SLC39A12: variants seen among roughly 807,000 people sequenced by gnomAD.
SLC39A12 encodes solute carrier family 39 member 12.
A neutral mutation model predicts 71.1 loss-of-function variants in SLC39A12; 63 were observed. The ratio of observed to expected loss-of-function variants is 0.89; its 90% CI spans 0.72 to 1.09. The LOEUF is 1.09. Among genes scored for constraint, SLC39A12 ranks in the 50% least tolerant of loss-of-function variants. SLC39A12 has a pLI of 0.00. For missense variants in SLC39A12, 892 were observed against 812.6 expected, an observed-to-expected ratio of 1.10 and a Z score of -1.19; for synonymous variants, 351 against 301.3, an observed-to-expected ratio of 1.16 and a Z score of -1.71.
intron 5 of SLC39A12, 110 bp from the exon 6 acceptor site, chr10:17,981,202 G>A (rs1428151709): frequency 1.2e-5 from 11 of 894,828 alleles, no homozygotes; most frequent in South Asian, 2.3e-5. Flanking sequence ...GGCTTCATGT[G>A]TGTGTTCTCG....
At chr10:17,996,440 G>A (rs1171678298) in intron 10 of SLC39A12, among the ~76,000 whole-genome samples, 2 of 152,040 alleles carry the variant, frequency 1.3e-5, no homozygotes, top group African/African-American at 4.8e-5. Flanking sequence ...ACAAACTTAA[G>A]GTTTTAATGT....
chr10:17,965,922 A>G (rs1834815258), intron 4 of SLC39A12, among the ~76,000 whole-genome samples: 1 of 152,212 alleles, frequency 6.6e-6, no homozygotes, highest in Admixed American at 6.5e-5. Flanking sequence ...AAGTGATTGG[A>G]ATTGTGGATG....
At chr10:17,989,552 A>G (rs927283507) in intron 7 of SLC39A12, among the ~76,000 whole-genome samples, 3 of 152,168 alleles carry the variant, frequency 2.0e-5, no homozygotes, top group Admixed American at 6.5e-5. Flanking sequence ...TGGGTGCAAC[A>G]TGTTACAGAG....
intron 10 of SLC39A12, 32 bp downstream of exon 10, chr10:17,995,754 A>G: frequency 1.3e-6 from 2 of 1,580,158 alleles, no homozygotes; most frequent in Non-Finnish European, 1.7e-6. Flanking sequence ...ACATGTGGAA[A>G]GTGCCATAGA....
chr10:17,991,084 A>G (rs543028391), intron 7 of SLC39A12, 67 bp from the exon 8 acceptor site: 2 of 1,424,250 alleles, frequency 1.4e-6, no homozygotes, highest in Non-Finnish European at 1.9e-6. Flanking sequence ...CTACTATTTA[A>G]TAGTTAAGTC....
At chr10:18,012,987 C>T (rs907066526) in intron 12 of SLC39A12, among the ~76,000 whole-genome samples, 8 of 151,330 alleles carry the variant, frequency 5.3e-5, no homozygotes, top group Non-Finnish European at 1.2e-4. Flanking sequence ...CTAAACAAAA[C>T]TCAGAATTTC....
intron 4 of SLC39A12, among the ~76,000 whole-genome samples, chr10:17,968,580 C>G (rs907883964): frequency 2.0e-5 from 3 of 152,036 alleles, no homozygotes; most frequent in African/African-American, 7.2e-5. Flanking sequence ...CTGAGAATGG[C>G]TTTTTTAAAC....
At chr10:18,033,243 A>T (rs1756702685) in intron 12 of SLC39A12, among the ~76,000 whole-genome samples, 1 of 146,684 alleles carries the variant, frequency 6.8e-6, no homozygotes, top group African/African-American at 2.5e-5. Context: ...TCCTCCTTGT[A>T]CCTCTGGTAG....
At chr10:17,955,275 ATCAGTTCCATTCC>A (rs1234215096) in intron 2 of SLC39A12, among the ~76,000 whole-genome samples, 5 of 152,262 alleles carry the variant, frequency 3.3e-5, no homozygotes, top group African/African-American at 1.2e-4. Context: ...CCCCATTTGA[ATCAGTTCCATTCC>A]TAGGACTTGA....
At chr10:18,001,568 A>G (rs925749371) in intron 11 of SLC39A12, among the ~76,000 whole-genome samples, 14 of 152,198 alleles carry the variant, frequency 9.2e-5, no homozygotes, top group African/African-American at 3.4e-4. Flanking sequence ...CATCAACCTG[A>G]CTTATACAAA....
rs370006578 is a variant in SLC39A12, at chr10:18,003,024, A to T, written c.1760-147A>T. The T allele has an allele frequency of 7.8e-5, 50 of 639,460 alleles. No individual in the cohort carries two copies. In the African/African-American group the frequency reaches 8.8e-4, roughly 11 times the overall value. 39.6% of individuals were successfully genotyped at this position (639,460 alleles called of 1,614,324 possible). A position where few individuals can be genotyped will look rare whatever the true frequency, so the allele number is the denominator to read the frequency against. The stretch of plus-strand genomic sequence containing the variant: ...TGGGCTATGAATTCTAGAGAAATAT[A>T]GGAAAGCATTTTATTTACTGATCAC... On this transcript the variant is annotated intron_variant, in intron 11 of 12. Transcript: ENST00000377369.
intron 12 of SLC39A12, among the ~76,000 whole-genome samples, chr10:18,039,260 C>G (rs950111179): frequency 3.9e-5 from 6 of 152,044 alleles, no homozygotes; most frequent in African/African-American, 1.4e-4. Flanking sequence ...AGATCTTATT[C>G]CATATTTGGA....
At chr10:18,034,560 T>G (rs1260531169) in intron 12 of SLC39A12, among the ~76,000 whole-genome samples, 5 of 150,940 alleles carry the variant, frequency 3.3e-5, no homozygotes, top group Non-Finnish European at 7.4e-5. Context: ...TGAGATGGGT[T>G]TCCTGAATAC....
chr10:17,986,889 C>T (rs1835412313), intron 6 of SLC39A12, among the ~76,000 whole-genome samples: 1 of 152,116 alleles, frequency 6.6e-6, no homozygotes, highest in South Asian at 2.1e-4. Flanking sequence ...CCCGTAGTCC[C>T]AGCTGCTCGA....
In SLC39A12 at chr10:17,961,757, C is replaced by T; in HGVS notation, c.438C>T (p.Ser146=). Residue 146 remains serine (S), a synonymous_variant, in exon 3 of 13, where the codon AGC becomes AGT. Coordinates refer to ENST00000377369, the MANE Select transcript of SLC39A12 (RefSeq NM_001145195.2). ...SNKEYKFYLH[S]LLSLRQDEDS... Reference sequence around the variant, plus strand: ...AAGAGTATAAATTTTACCTACACAGCCTACTGAGCCTCAGGCAGGATGAAG... The same window carrying T: ...AAGAGTATAAATTTTACCTACACAGTCTACTGAGCCTCAGGCAGGATGAAG... 1 of 1,614,024 alleles carries T rather than the reference C, an allele frequency of 6.2e-7. No homozygotes were observed. Among genetic ancestry groups the T allele is most frequent in the Non-Finnish European group, 8.5e-7 (1 of 1,179,922 alleles).
intron 10 of SLC39A12, among the ~76,000 whole-genome samples, chr10:17,999,294 CAAAAAAAAAAAA>C (rs59734258): frequency 4.3e-5 from 3 of 70,376 alleles, no homozygotes; most frequent in African/African-American, 1.5e-4. Flanking sequence ...GACTCCATCT[CAAAAAAAAAAAA>C]AAAAAAAAAA....
At chr10:18,018,043 TC>T (rs1836432150) in intron 12 of SLC39A12, among the ~76,000 whole-genome samples, 1 of 152,186 alleles carries the variant, frequency 6.6e-6, no homozygotes, top group African/African-American at 2.4e-5. Context: ...ATTTATTTAG[TC>T]TTTTGATATC....
intron 12 of SLC39A12, among the ~76,000 whole-genome samples, chr10:18,035,613 G>A (rs1033350185): frequency 4.6e-4 from 70 of 152,240 alleles, no homozygotes; most frequent in African/African-American, 1.6e-3. Flanking sequence ...ATAGCTCAGA[G>A]TAATTTGATC....
chr10:17,975,628 C>A (rs888207133), intron 4 of SLC39A12, among the ~76,000 whole-genome samples: 1 of 152,096 alleles, frequency 6.6e-6, no homozygotes, highest in African/African-American at 2.4e-5. Flanking sequence ...GCTGTGCAGC[C>A]TGGGGTTAGG....
Sources: gnomAD v4.1 joint callset for allele counts (sites outside exome capture counted in the v4.1 genomes callset) on GRCh38, gnomAD v4.1.1 for gene constraint, MANE v1.5 for transcripts, NCBI Gene and HGNC (gene_info 2026-07-23, HGNC 2026-07-21) for gene names.